Variants in HDAC1 observed in about 807,000 individuals in gnomAD.
HDAC1 encodes protein deacetylase HDAC1.
Under a neutral mutation model 65.5 loss-of-function variants are expected in HDAC1, and 18 were observed. The observed-to-expected ratio is 0.27, with a 90% CI of 0.19 to 0.41. HDAC1 has a LOEUF of 0.41. HDAC1 is among the 10% of genes least tolerant of loss of function. The pLI is 1.00. For missense variants in HDAC1, 373 were observed against 625.2 expected (o/e 0.60, Z 4.30); for synonymous variants, 211 against 227.9 (o/e 0.93, Z 0.67).
chr1:32,301,885 T>C (rs146552106), intron 1 of HDAC1, among the ~76,000 whole-genome samples: 61 of 152,276 alleles, frequency 4.0e-4, no homozygotes, highest in African/African-American at 1.4e-3. Flanking sequence ...GCCTCCAGAG[T>C]AACTGGGATT....
chr1:32,293,219 C>T (rs1640722270), intron 1 of HDAC1, among the ~76,000 whole-genome samples: 1 of 151,462 alleles, frequency 6.6e-6, no homozygotes, highest in African/African-American at 2.4e-5. Context: ...ACTCTGGAGC[C>T]TAAGGCAGGA....
intron 3 of HDAC1, 39 bp from the exon 4 acceptor site, chr1:32,324,435 TAAAGG>T: frequency 7.4e-7 from 1 of 1,343,136 alleles, no homozygotes; most frequent in Non-Finnish European, 1.1e-6. Context: ...ATATGTAAAC[TAAAGG>T]AAATTGTGGA....
intron 12 of HDAC1, 71 bp from the exon 13 acceptor site, chr1:32,332,628 CAG>C: frequency 9.2e-7 from 1 of 1,092,624 alleles, no homozygotes; most frequent in Non-Finnish European, 1.4e-6. Context: ...GAAGGGGTCT[CAG>C]GGTAAATGAA....
chr1:32,292,545 C>A, intron 1 of HDAC1: 1 of 554,518 alleles, frequency 1.8e-6, no homozygotes, highest in Non-Finnish European at 2.3e-6. Flanking sequence ...ATGGAGACGG[C>A]TGCAAGGATA....
At chr1:32,301,212 C>T (rs968846851) in intron 1 of HDAC1, among the ~76,000 whole-genome samples, 3 of 151,742 alleles carry the variant, frequency 2.0e-5, no homozygotes, top group Non-Finnish European at 1.5e-5. Flanking sequence ...TTTGGGAGGC[C>T]GAGGCGGGCA....
At chr1:32,320,076 C>CG (rs1039510032) in intron 3 of HDAC1, among the ~76,000 whole-genome samples, 6 of 151,948 alleles carry the variant, frequency 3.9e-5, no homozygotes, top group African/African-American at 1.4e-4. Flanking sequence ...AAAAATTAGC[C>CG]GGACGTGGTG....
intron 2 of HDAC1, among the ~76,000 whole-genome samples, chr1:32,316,225 A>C (rs1641061433): frequency 6.6e-6 from 1 of 151,438 alleles, no homozygotes. Flanking sequence ...CGGAGCTTGC[A>C]GTGAGCCGAG....
intron 1 of HDAC1, among the ~76,000 whole-genome samples, chr1:32,295,912 G>A (rs1640761849): frequency 6.6e-6 from 1 of 152,122 alleles, no homozygotes; most frequent in South Asian, 2.1e-4. Context: ...TTTAATTGTA[G>A]TAAATTTAGT....
At chr1:32,326,412 G>A (rs749206670) in intron 4 of HDAC1, among the ~76,000 whole-genome samples, 2 of 151,998 alleles carry the variant, frequency 1.3e-5, no homozygotes, top group African/African-American at 2.4e-5. Context: ...TGATGTGCCC[G>A]CCTTGGCCTC....
In HDAC1 at chr1:32,298,367, G is replaced by A. The variant is rs370392926; in HGVS notation, c.50-4254G>A. Among the ~76,000 whole-genome samples the A allele has an allele frequency of 1.2e-3, 180 of 151,928 alleles. No individual in the cohort carries two copies. The South Asian group carries it at 0.012, about 10-fold the overall frequency. ...CTCCCAAAGTGTTGGGATTACAGGCGTCAGGCACCGCGCCCGGCCATTTTT... is the reference window on the plus strand; with the variant it reads ...CTCCCAAAGTGTTGGGATTACAGGCATCAGGCACCGCGCCCGGCCATTTTT... On this transcript the variant is annotated intron_variant, in intron 1 of 13. Coordinates refer to ENST00000373548, the MANE Select transcript of HDAC1 (RefSeq NM_004964.3).
chr1:32,323,436 C>T (rs887570955), intron 3 of HDAC1, among the ~76,000 whole-genome samples: 5 of 152,076 alleles, frequency 3.3e-5, no homozygotes, highest in Admixed American at 2.0e-4. Flanking sequence ...ACTCTTGTCT[C>T]GCCCAGGCTG....
At chr1:32,296,077 A>ATTTCTTGTATGAGAGCC (rs1553156286) in intron 1 of HDAC1, among the ~76,000 whole-genome samples, 3 of 152,188 alleles carry the variant, frequency 2.0e-5, no homozygotes, top group African/African-American at 7.2e-5. Context: ...ACTTGGTCAT[A>ATTTCTTGTATGAGAGCC]TTTCTTGTAG....
In HDAC1 at chr1:32,330,714, G is replaced by A. The variant is rs2148072293; in HGVS notation, c.838+28G>A. ...GAGACCAGGTAGCACAAGGATGGGT[G>A]GGCGGGGTCCTGCTTGGTGCTCCTG... On this transcript the variant is annotated intron_variant, in intron 8 of 13. Coordinates refer to ENST00000373548, the MANE Select transcript of HDAC1 (RefSeq NM_004964.3). This position sits in a 1 kb window ranked among gnomAD's most constrained non-coding sequence, Gnocchi z 4.2. 3 of 1,613,468 alleles carry A rather than the reference G, an allele frequency of 1.9e-6. No individual in the cohort carries two copies. Among genetic ancestry groups the A allele is most frequent in the Non-Finnish European group, 2.5e-6 (3 of 1,179,392 alleles).
intron 3 of HDAC1, among the ~76,000 whole-genome samples, chr1:32,317,207 T>C (rs1385951404): frequency 6.6e-6 from 1 of 152,182 alleles, no homozygotes; most frequent in East Asian, 1.9e-4. Context: ...TGGGTATTAA[T>C]TGAGAATTTA....
intron 2 of HDAC1, among the ~76,000 whole-genome samples, chr1:32,306,630 TA>T (rs1640914959): frequency 6.6e-6 from 1 of 152,166 alleles, no homozygotes; most frequent in African/African-American, 2.4e-5. Context: ...TACATTTCAC[TA>T]ATTCACCAAG....
At chr1:32,323,380 T>C (rs1641175151) in intron 3 of HDAC1, among the ~76,000 whole-genome samples, 1 of 152,080 alleles carries the variant, frequency 6.6e-6, no homozygotes, top group East Asian at 1.9e-4. Context: ...TCTCTGAACC[T>C]GTTTCCCTAC....
chr1:32,312,740 A>G (rs778581521), intron 2 of HDAC1, among the ~76,000 whole-genome samples: 2 of 151,938 alleles, frequency 1.3e-5, no homozygotes, highest in Non-Finnish European at 2.9e-5. Flanking sequence ...CAGTGGCACA[A>G]TCTGGGCTCA....
intron 2 of HDAC1, 42 bp from the exon 3 acceptor site, chr1:32,316,623 G>A (rs2148065208): frequency 2.8e-6 from 3 of 1,084,058 alleles, no homozygotes; most frequent in East Asian, 2.4e-5. Flanking sequence ...TGGACTGGCC[G>A]TGGTCAAAAA....
In HDAC1 at chr1:32,327,635, T is replaced by G. The variant is rs1641236443; in HGVS notation, c.594T>G (p.Phe198Leu). 3 of 1,614,002 alleles carry G rather than the reference T, an allele frequency of 1.9e-6. No individual in the cohort carries two copies. The highest frequency in any genetic ancestry group is 2.5e-6 in the Non-Finnish European group (3 of 1,179,966). ...CGGACCGGGTCATGACTGTGTCCTTTCATAAGTATGGAGAGTACTTCCCAG... is the reference window on the plus strand; with the variant it reads ...CGGACCGGGTCATGACTGTGTCCTTGCATAAGTATGGAGAGTACTTCCCAG... Reference protein sequence around the residue: ...YTTDRVMTVSFHKYGEYFPGT... With the variant: ...YTTDRVMTVSLHKYGEYFPGT... Residue 198 changes from phenylalanine to leucine, a missense_variant, in exon 6 of 14, where the codon TTT (phenylalanine) becomes TTG (leucine). Around this residue, in one of 4 missense-constraint regions of HDAC1, gnomAD observed 62 missense variants for 180.0 expected, o/e 0.34. Transcript: ENST00000373548. The surrounding 1 kb of genome is among the most constrained non-coding windows in gnomAD (Gnocchi z 6.0).
Sources: allele counts gnomAD v4.1 joint callset (sites outside exome capture counted in the v4.1 genomes callset), GRCh38; gene constraint gnomAD v4.1.1; regional missense constraint gnomAD v4.1.1; non-coding constraint Gnocchi (gnomAD v3.1); transcripts MANE v1.5; gene names NCBI Gene and HGNC (gene_info 2026-07-23, HGNC 2026-07-21).